FBXO8: variants seen among roughly 807,000 people sequenced by gnomAD.
The protein encoded by FBXO8 is F-box only protein 8.
A neutral mutation model predicts 33.4 loss-of-function variants in FBXO8; 15 were observed. The observed-to-expected ratio is 0.45, with a 90% confidence interval of 0.30 to 0.69. The LOEUF (loss-of-function observed/expected upper bound fraction) is 0.69. FBXO8 is among the 30% of genes least tolerant of loss of function. FBXO8 has a pLI of 0.08. For synonymous variants in FBXO8, 132 were observed against 131.5 expected (o/e 1.00, Z -0.02); for missense variants, 274 against 380.3 (o/e 0.72, Z 2.32).
chr4:174,260,035 A>G (rs924926764), intron 2 of FBXO8, among the ~76,000 whole-genome samples: 6 of 152,156 alleles, frequency 3.9e-5, no homozygotes, highest in African/African-American at 1.2e-4. Flanking sequence ...GCATCTAATA[A>G]ATGTGAGTTA....
At chr4:174,269,558 G>A (rs892254758) in intron 1 of FBXO8, among the ~76,000 whole-genome samples, 1 of 151,652 alleles carries the variant, frequency 6.6e-6, no homozygotes, top group African/African-American at 2.4e-5. Context: ...TGTGGTGCAC[G>A]CCCGTAATCC....
intron 3 of FBXO8, among the ~76,000 whole-genome samples, chr4:174,258,233 A>G (rs184874516): frequency 1.3e-5 from 2 of 152,260 alleles, no homozygotes; most frequent in Non-Finnish European, 2.9e-5. Context: ...ATGTTGCCAT[A>G]TGTTTACATG....
At chr4:174,238,201 T>C (rs1735932888) in intron 5 of FBXO8, among the ~76,000 whole-genome samples, 2 of 151,954 alleles carry the variant, frequency 1.3e-5, no homozygotes, top group African/African-American at 4.8e-5. Flanking sequence ...AGCAAATCTT[T>C]AGGGAAAAGA....
In FBXO8 at chr4:174,247,571, C is replaced by T. The variant is rs115059975; in HGVS notation, c.457-6353G>A. ...CAATCTAGATTTCTAACTTTTCTTT[C>T]AACATGATAACCAATATATTATTTT... On this transcript the variant is annotated intron_variant, in intron 3 of 5. Coordinates refer to ENST00000393674, the MANE Select transcript of FBXO8 (RefSeq NM_012180.3). The surrounding 1 kb of genome is among the most constrained non-coding windows in gnomAD (Gnocchi z 4.6). Among the ~76,000 whole-genome samples the T allele has an allele frequency of 8.6e-5, 13 of 151,960 alleles. No homozygotes were observed. Among genetic ancestry groups the T allele is most frequent in the African/African-American group, 3.1e-4 (13 of 41,488 alleles).
intron 3 of FBXO8, among the ~76,000 whole-genome samples, chr4:174,249,768 T>C (rs1201863908): frequency 6.6e-6 from 1 of 151,932 alleles, no homozygotes; most frequent in Non-Finnish European, 1.5e-5. Flanking sequence ...TAATTATTGC[T>C]TAAATGTCAA....
rs1411261262 is a variant in FBXO8 at position 174,267,352 on chromosome 4, C to T, written c.-8-4252G>A. Among the ~76,000 whole-genome samples, 1 of 152,022 alleles carries T rather than the reference C, an allele frequency of 6.6e-6. No homozygotes were observed. Among genetic ancestry groups the T allele is most frequent in the Non-Finnish European group, 1.5e-5 (1 of 67,978 alleles). On this transcript the variant is annotated intron_variant, in intron 1 of 5. Transcript: ENST00000393674. This position sits in a 1 kb window ranked among gnomAD's most constrained non-coding sequence, Gnocchi z 4.7. Reference sequence around the variant, plus strand: ...ACTGCTTGAGACCAAGAGTTCAAGACCAGACTGGGCAACATAGACCCCGTT... The same window carrying T: ...ACTGCTTGAGACCAAGAGTTCAAGATCAGACTGGGCAACATAGACCCCGTT...
At chr4:174,282,890 G>T (rs778694839) in intron 1 of FBXO8, among the ~76,000 whole-genome samples, 27 of 152,292 alleles carry the variant, frequency 1.8e-4, no homozygotes, top group Non-Finnish European at 3.2e-4. Context: ...TAAGAGATTA[G>T]AACCCAGTCG....
At position 174,274,300 on chromosome 4, in the gene FBXO8, T is replaced by C. The variant is rs368393168; in HGVS notation, c.-9+9110A>G. On this transcript the variant is annotated intron_variant, in intron 1 of 5. Coordinates refer to ENST00000393674, the MANE Select transcript of FBXO8 (RefSeq NM_012180.3). The surrounding 1 kb of genome is among the most constrained non-coding windows in gnomAD (Gnocchi z 4.0). ...TTCTCATTAGTAAAATAACGGATAATAATTCTTATTCCATGGGACTTAGTA... is the reference window on the plus strand; with the variant it reads ...TTCTCATTAGTAAAATAACGGATAACAATTCTTATTCCATGGGACTTAGTA... 5.9e-5 allele frequency among the ~76,000 whole-genome samples: 9 copies of C among 152,344 alleles called. No individual in the cohort carries two copies. In the East Asian group the frequency reaches 1.7e-3, roughly 29 times the overall value.
At chr4:174,273,927 G>A (rs1039128470) in intron 1 of FBXO8, among the ~76,000 whole-genome samples, 2 of 152,122 alleles carry the variant, frequency 1.3e-5, no homozygotes, top group African/African-American at 4.8e-5. Flanking sequence ...GGTCCAGAGA[G>A]GTTAAGCAAA....
chr4:174,276,874 T>C (rs954833464), intron 1 of FBXO8, among the ~76,000 whole-genome samples: 1 of 152,218 alleles, frequency 6.6e-6, no homozygotes, highest in Non-Finnish European at 1.5e-5. Flanking sequence ...AAGGTTCTGA[T>C]CTTTTGTTTC....
rs1468910790 is a variant in FBXO8, at chr4:174,253,512, C to T, written c.456+6187G>A. Among the ~76,000 whole-genome samples, 1 of 152,160 alleles carries T rather than the reference C, an allele frequency of 6.6e-6. No individual in the cohort carries two copies. The highest frequency in any genetic ancestry group is 2.4e-5 in the African/African-American group (1 of 41,430). On this transcript the variant is annotated intron_variant, in intron 3 of 5. Transcript: ENST00000393674. This position sits in a 1 kb window ranked among gnomAD's most constrained non-coding sequence, Gnocchi z 4.5. Reference sequence around the variant, plus strand: ...GGTGCCAATGTTCCTCCTTTGGATACTAAGGCCTCTAACCCAGCAGAGACC... The same window carrying T: ...GGTGCCAATGTTCCTCCTTTGGATATTAAGGCCTCTAACCCAGCAGAGACC...
intron 1 of FBXO8, among the ~76,000 whole-genome samples, chr4:174,282,815 T>C (rs890858071): frequency 6.6e-6 from 1 of 152,158 alleles, no homozygotes; most frequent in East Asian, 1.9e-4. Flanking sequence ...CTAAAAAAAT[T>C]AAATGACTGA....
intron 1 of FBXO8, among the ~76,000 whole-genome samples, chr4:174,273,333 A>AAAAG (rs372307368): frequency 0.39 from 45,608 of 115,602 alleles, 10,342 homozygotes; most frequent in Non-Finnish European, 0.44. Context: ...TAAAAAAAAA[A>AAAAG]AAAAGAAAAG....
rs549193620 is a variant in FBXO8, at chr4:174,262,363, C to T, written c.329+401G>A. Among the ~76,000 whole-genome samples, 17 of 152,244 alleles carry T rather than the reference C, an allele frequency of 1.1e-4. No homozygotes were observed. The highest frequency in any genetic ancestry group is 2.0e-4 in the Admixed American group (3 of 15,296). On this transcript the variant is annotated intron_variant, in intron 2 of 5. Transcript: ENST00000393674. This position sits in a 1 kb window ranked among gnomAD's most constrained non-coding sequence, Gnocchi z 4.6. ...ACATTTGAGGACTATTCATTGATTT[C>T]GAAGTCTGCCTATTATTCAGATGGC... is the stretch of plus-strand genomic sequence containing the variant.
rs1736727711 is a variant in FBXO8, at chr4:174,267,838, AG to A, written c.-8-4739del. 6.6e-6 allele frequency among the ~76,000 whole-genome samples: 1 copy of A among 152,244 alleles called. No individual in the cohort carries two copies. Among genetic ancestry groups the A allele is most frequent in the Admixed American group, 6.5e-5 (1 of 15,278 alleles). Reference sequence around the variant, plus strand: ...GCAATTGTTAGGTAAAATAAAATTCAGCTGCAATGTGGAATCACTGAATATG... The same window carrying A: ...GCAATTGTTAGGTAAAATAAAATTCACTGCAATGTGGAATCACTGAATATG... On this transcript the variant is annotated intron_variant, in intron 1 of 5. Coordinates refer to ENST00000393674, the MANE Select transcript of FBXO8 (RefSeq NM_012180.3). The surrounding 1 kb of genome is among the most constrained non-coding windows in gnomAD (Gnocchi z 4.7).
At position 174,253,592 on chromosome 4, in the gene FBXO8, G is replaced by A. The variant is rs967869251; in HGVS notation, c.456+6107C>T. Among the ~76,000 whole-genome samples the A allele has an allele frequency of 3.3e-5, 5 of 152,160 alleles. No individual in the cohort carries two copies. The highest frequency in any genetic ancestry group is 2.1e-4 in the South Asian group (1 of 4,826). Reference sequence around the variant, plus strand: ...TAAGTGTATCACTAGTTAAAATGGCGTTACAGATGCTTGGATGCCTTAACA... The same window carrying A: ...TAAGTGTATCACTAGTTAAAATGGCATTACAGATGCTTGGATGCCTTAACA... On this transcript the variant is annotated intron_variant, in intron 3 of 5. Coordinates refer to ENST00000393674, the MANE Select transcript of FBXO8 (RefSeq NM_012180.3). The surrounding 1 kb of genome is among the most constrained non-coding windows in gnomAD (Gnocchi z 4.5).
In FBXO8 at chr4:174,252,467, C is replaced by T. The variant is rs1736313818; in HGVS notation, c.456+7232G>A. On this transcript the variant is annotated intron_variant, in intron 3 of 5. Coordinates refer to ENST00000393674, the MANE Select transcript of FBXO8 (RefSeq NM_012180.3). The surrounding 1 kb of genome is among the most constrained non-coding windows in gnomAD (Gnocchi z 5.1). ...AACAAGAAGTTCCAAACTAATATGG[C>T]TCCAGGTTGTTGGGCTCACAGATAG... Among the ~76,000 whole-genome samples the T allele has an allele frequency of 6.6e-6, 1 of 152,092 alleles. No homozygotes were observed. Among genetic ancestry groups the T allele is most frequent in the South Asian group, 2.1e-4 (1 of 4,820 alleles).
chr4:174,260,890 G>C (rs2126435387), intron 2 of FBXO8, among the ~76,000 whole-genome samples: 1 of 151,902 alleles, frequency 6.6e-6, no homozygotes, highest in East Asian at 1.9e-4. Flanking sequence ...AAATGAAACT[G>C]TTTACTTTCT....
rs1736809640 is a variant in FBXO8, at chr4:174,270,342, A to G, written c.-8-7242T>C. Among the ~76,000 whole-genome samples, 1 of 152,208 alleles carries G rather than the reference A, an allele frequency of 6.6e-6. No individual in the cohort carries two copies. Among genetic ancestry groups the G allele is most frequent in the Non-Finnish European group, 1.5e-5 (1 of 68,038 alleles). The stretch of plus-strand genomic sequence containing the variant: ...AACATGATTTTAGGAAGAGTCCAGC[A>G]TTATTAAAAAATAATGCCTTTGAGA... On this transcript the variant is annotated intron_variant, in intron 1 of 5. Coordinates refer to ENST00000393674, the MANE Select transcript of FBXO8 (RefSeq NM_012180.3). This position sits in a 1 kb window ranked among gnomAD's most constrained non-coding sequence, Gnocchi z 4.6.
Sources: allele counts gnomAD v4.1 joint callset (sites outside exome capture counted in the v4.1 genomes callset), GRCh38; gene constraint gnomAD v4.1.1; non-coding constraint Gnocchi (gnomAD v3.1); transcripts MANE v1.5; gene names NCBI Gene and HGNC (gene_info 2026-07-23, HGNC 2026-07-21).